PCDHA5: variants seen among roughly 807,000 people sequenced by gnomAD.
The protein encoded by PCDHA5 is protocadherin alpha 5, also known as protocadherin alpha-5.
A neutral mutation model predicts 61.6 loss-of-function variants in PCDHA5; 43 were observed. That is an observed-to-expected ratio of 0.70 (90% confidence interval 0.55 to 0.90). The LOEUF (loss-of-function observed/expected upper bound fraction) is 0.90, where lower values mean the gene tolerates loss of function less well. PCDHA5 is among the 40% of genes least tolerant of loss of function. The pLI is 0.00. For missense variants in PCDHA5, 1,298 were observed against 1,222.7 expected, an observed-to-expected ratio of 1.06 and a Z score of -0.92; for synonymous variants, 627 against 543.9, an observed-to-expected ratio of 1.15 and a Z score of -2.13.
At chr5:140,934,664 T>C (rs1268113575) in intron 1 of PCDHA5, among the ~76,000 whole-genome samples, 4 of 152,176 alleles carry the variant, frequency 2.6e-5, no homozygotes, top group Non-Finnish European at 5.9e-5. Flanking sequence ...TCTTCCCCTT[T>C]GTTTAGCAGT....
At chr5:140,962,384 A>G (rs1234630298) in intron 1 of PCDHA5, among the ~76,000 whole-genome samples, 7 of 152,202 alleles carry the variant, frequency 4.6e-5, no homozygotes, top group Non-Finnish European at 8.8e-5. Context: ...ATCTGTTAAT[A>G]TTACGCAATC....
At chr5:140,987,635 G>A (rs2097262928) in intron 3 of PCDHA5, among the ~76,000 whole-genome samples, 3 of 152,176 alleles carry the variant, frequency 2.0e-5, no homozygotes, top group Non-Finnish European at 4.4e-5. Context: ...ATGAGATAAT[G>A]CACACATATT....
At chr5:140,836,149 A>G in intron 1 of PCDHA5, 1 of 1,613,754 alleles carries the variant, frequency 6.2e-7, no homozygotes, top group Non-Finnish European at 8.5e-7. Flanking sequence ...GGCGCGGGCC[A>G]TGTGGTGGCG....
At position 140,841,596 on chromosome 5, in the gene PCDHA5, G is replaced by T. The variant is rs2150318846; in HGVS notation, c.2352+17469G>T. 3.3e-5 allele frequency: 54 copies of T among 1,613,976 alleles called. No homozygotes were observed. Among genetic ancestry groups the T allele is most frequent in the South Asian group, 5.5e-5 (5 of 91,084 alleles). ...TTGTTTGTGAATTCTCGGATCGACC[G>T]CGAGGAGCTGTGCGGGCGGAGCGCG... On this transcript the variant is annotated intron_variant, in intron 1 of 3. Transcript: ENST00000529859.
chr5:140,823,876 A>G lies in PCDHA5; in HGVS notation c.2101A>G (p.Ile701Val). 1 of 1,613,886 alleles carries G rather than the reference A, an allele frequency of 6.2e-7. No homozygotes were observed. The highest frequency in any genetic ancestry group is 8.5e-7 in the Non-Finnish European group (1 of 1,179,914). Residue 701 changes from isoleucine (I) to valine (V), a missense_variant, in exon 1 of 4, where the codon ATC (isoleucine) becomes GTC (valine). Coordinates refer to ENST00000529859, the MANE Select transcript of PCDHA5 (RefSeq NM_018908.3). ...ALVDVNVYLI[I>V]AICAVSSLLV... ...GGTGGATGTCAACGTGTACCTGATC[A>G]TCGCCATCTGTGCGGTGTCCAGCCT...
intron 1 of PCDHA5, chr5:140,850,613 G>T: frequency 6.3e-7 from 1 of 1,598,580 alleles, no homozygotes; most frequent in South Asian, 1.1e-5. Flanking sequence ...CCATCTGCGC[G>T]GTGTCTAGCC....
chr5:140,916,706 G>A (rs1179319029), intron 1 of PCDHA5, among the ~76,000 whole-genome samples: 1 of 152,200 alleles, frequency 6.6e-6, no homozygotes, highest in Admixed American at 6.5e-5. Flanking sequence ...TCCTTAAGCA[G>A]AAGGAAGGAG....
intron 1 of PCDHA5, among the ~76,000 whole-genome samples, chr5:140,906,547 C>T (rs2072745421): frequency 6.6e-6 from 1 of 152,218 alleles, no homozygotes; most frequent in Non-Finnish European, 1.5e-5. Flanking sequence ...CTCATTTCTG[C>T]AACTGGTTGT....
At chr5:140,843,002 A>G in intron 1 of PCDHA5, 2 of 1,595,004 alleles carry the variant, frequency 1.3e-6, no homozygotes, top group Non-Finnish European at 1.7e-6. Context: ...CGAGAATGAC[A>G]ACGCGCCGGC....
intron 1 of PCDHA5, chr5:140,867,813 C>A (rs1189080463): frequency 6.6e-6 from 1 of 152,032 alleles, no homozygotes; most frequent in African/African-American, 2.4e-5. Flanking sequence ...TATGAAATTC[C>A]ATTTCCACAA....
Position 140,849,759 on chromosome 5 carries a change from G to A in PCDHA5, c.2352+25632G>A, listed in dbSNP as rs140660802. On this transcript the variant is annotated intron_variant, in intron 1 of 3. Coordinates refer to ENST00000529859, the MANE Select transcript of PCDHA5 (RefSeq NM_018908.3). Reference sequence around the variant, plus strand: ...GGACCGCGAGAGTGTGTCCGCCTACGAGCTGGTGGTTACCGCGCGGGACGG... The same window carrying A: ...GGACCGCGAGAGTGTGTCCGCCTACAAGCTGGTGGTTACCGCGCGGGACGG... The A allele has an allele frequency of 1.8e-5, 29 of 1,598,444 alleles. 5 individuals are homozygous for A. The Admixed American group carries it at 3.9e-4, about 21-fold the overall frequency.
chr5:140,966,541 G>C (rs2096018356), intron 1 of PCDHA5: 3 of 462,844 alleles, frequency 6.5e-6, no homozygotes, highest in African/African-American at 2.0e-5. Context: ...TGAGCGACTC[G>C]GAGGCGAGCG....
chr5:140,848,680 G>C (rs2150417098), intron 1 of PCDHA5: 2 of 1,592,250 alleles, frequency 1.3e-6, no homozygotes, highest in African/African-American at 1.3e-5. Context: ...CTGGTGCCGC[G>C]CCTGTTCCAG....
rs2150131247 is a variant in PCDHA5 at position 140,823,997 on chromosome 5, C to G, written c.2222C>G (p.Ser741Cys). The change falls in exon 1 of 4, where the codon TCC becomes TGC. Residue 741 changes from serine to cysteine, a missense_variant. Coordinates refer to ENST00000529859, the MANE Select transcript of PCDHA5 (RefSeq NM_018908.3). The stretch of plus-strand genomic sequence containing the variant: ...CGGGGCAAGCCCACTCTGTTGTGCT[C>G]CAGCGCGGTGGGGAGCTGGTCGTAC... ...CTRGKPTLLC[S>C]SAVGSWSYSQ... The G allele has an allele frequency of 3.1e-6, 5 of 1,614,108 alleles. No individual in the cohort carries two copies. Among genetic ancestry groups the G allele is most frequent in the Non-Finnish European group, 3.4e-6 (4 of 1,180,006 alleles).
At chr5:140,950,043 A>T (rs1011500100) in intron 1 of PCDHA5, among the ~76,000 whole-genome samples, 1 of 151,950 alleles carries the variant, frequency 6.6e-6, no homozygotes, top group Non-Finnish European at 1.5e-5. Flanking sequence ...TTACAACCAT[A>T]TAAGACTATT....
At chr5:140,830,197 C>G (rs2150182627) in intron 1 of PCDHA5, 2 of 1,613,722 alleles carry the variant, frequency 1.2e-6, no homozygotes, top group African/African-American at 2.7e-5. Context: ...ACCTGATCAT[C>G]GCCATCTGCG....
intron 1 of PCDHA5, among the ~76,000 whole-genome samples, chr5:140,957,274 C>A (rs1251520860): frequency 6.6e-6 from 1 of 152,104 alleles, no homozygotes; most frequent in South Asian, 2.1e-4. Context: ...ACTAGTCCCC[C>A]CTTACCTGCA....
intron 1 of PCDHA5, chr5:140,828,196 A>C (rs200011304): frequency 1.8e-4 from 283 of 1,613,856 alleles, no homozygotes; most frequent in East Asian, 4.2e-4. Context: ...ACTACTCCGT[A>C]CCCGAGGAGG....
In PCDHA5 at chr5:140,858,397, C is replaced by T. The variant is rs781916951; in HGVS notation, c.2352+34270C>T. On this transcript the variant is annotated intron_variant, in intron 1 of 3. Coordinates refer to ENST00000529859, the MANE Select transcript of PCDHA5 (RefSeq NM_018908.3). ...CACCATGCCCAATGGTAGATGTGGA[C>T]GGGGAAGATCAGTCTATTGGAGGGG... is the stretch of plus-strand genomic sequence containing the variant. 2.5e-6 allele frequency: 4 copies of T among 1,573,184 alleles called. No individual in the cohort carries two copies. In the South Asian group the frequency reaches 4.5e-5, roughly 18 times the overall value.
Sources: gnomAD v4.1 joint callset for allele counts (sites outside exome capture counted in the v4.1 genomes callset) on GRCh38, gnomAD v4.1.1 for gene constraint, MANE v1.5 for transcripts, NCBI Gene and HGNC (gene_info 2026-07-23, HGNC 2026-07-21) for gene names.